The following PPM1K variants were observed in gnomAD, a reference collection of about 807,000 sequenced individuals.
The protein encoded by PPM1K is protein phosphatase, Mg2+/Mn2+ dependent 1K.
PPM1K carries 19 observed loss-of-function variants against 32.6 expected under a neutral mutation model. The ratio of observed to expected loss-of-function variants is 0.58; its 90% confidence interval spans 0.41 to 0.86. The LOEUF is 0.86. Among genes scored for constraint, PPM1K ranks in the 40% least tolerant of loss-of-function variants. The pLI is 0.00. For synonymous variants in PPM1K, 159 were observed against 165.3 expected (o/e 0.96, Z 0.29); for missense variants, 362 against 461.2 (o/e 0.78, Z 1.97).
chr4:88,260,015 T>C lies in PPM1K; in HGVS notation c.*2580A>G, dbSNP rs1231253071. On this transcript the variant is annotated 3_prime_UTR_variant, in exon 7 of 7. Coordinates refer to ENST00000608933, the MANE Select transcript of PPM1K (RefSeq NM_152542.5). ...TTAAAGTAAAAGATAGGAATAGTAA[T>C]GTAAAGCATTCAAAACAAAAATGAA... 1.3e-5 allele frequency: 2 copies of C among 152,208 alleles called. No individual in the cohort carries two copies. Among genetic ancestry groups the C allele is most frequent in the Admixed American group, 6.5e-5 (1 of 15,274 alleles). 9.4% of individuals were successfully genotyped at this position (152,208 alleles called of 1,614,324 possible).
rs916985366 is a variant in PPM1K, at chr4:88,278,887, A to T, written c.-59-245T>A. ...GGATCAAAAATGAATCGATTTTCCTACCGCATTCACAGCATTTAAATTCTA... is the reference window on the plus strand; with the variant it reads ...GGATCAAAAATGAATCGATTTTCCTTCCGCATTCACAGCATTTAAATTCTA... On this transcript the variant is annotated intron_variant, in intron 1 of 6. Transcript: ENST00000608933. The surrounding 1 kb of genome is among the most constrained non-coding windows in gnomAD (Gnocchi z 4.2). 4 of 315,410 alleles carry T rather than the reference A, an allele frequency of 1.3e-5. No individual in the cohort carries two copies. The Admixed American group carries it at 1.9e-4, about 15-fold the overall frequency. 19.5% of individuals were successfully genotyped at this position (315,410 alleles called of 1,614,324 possible).
chr4:88,273,442 A>G (rs895723759), intron 3 of PPM1K, among the ~76,000 whole-genome samples: 11 of 152,218 alleles, frequency 7.2e-5, no homozygotes, highest in African/African-American at 2.7e-4. Flanking sequence ...GCACTTTGGG[A>G]GGCCAAGGCG....
chr4:88,271,639 A>G (rs1444985757), intron 3 of PPM1K, among the ~76,000 whole-genome samples: 1 of 152,202 alleles, frequency 6.6e-6, no homozygotes, highest in African/African-American at 2.4e-5. Context: ...AATGCACTGT[A>G]AATTTGTTTG....
intron 3 of PPM1K, among the ~76,000 whole-genome samples, chr4:88,273,988 C>T (rs1435177503): frequency 6.6e-6 from 1 of 152,206 alleles, no homozygotes; most frequent in African/African-American, 2.4e-5. Context: ...AAGCCTCCTG[C>T]ACTTCACCAT....
chr4:88,276,772 A>G (rs1221669345), intron 3 of PPM1K: 1 of 1,005,410 alleles, frequency 9.9e-7, no homozygotes. Flanking sequence ...TGGTCACCAG[A>G]TCCATCTAAA....
At chr4:88,279,011 G>A (rs1221909823) in intron 1 of PPM1K, 1 of 166,336 alleles carries the variant, frequency 6.0e-6, no homozygotes, top group African/African-American at 2.4e-5. Flanking sequence ...GTGGCTATGG[G>A]GTGGAGTCAC....
rs200220175 is a variant in PPM1K, at chr4:88,278,371, A to C, written c.213T>G (p.Ile71Met). 1 of 1,614,172 alleles carries C rather than the reference A, an allele frequency of 6.2e-7. No homozygotes were observed. The highest frequency in any genetic ancestry group is 1.1e-5 in the South Asian group (1 of 91,076). The change falls in exon 2 of 7, where the codon ATT (isoleucine) becomes ATG (methionine). Residue 71 changes from isoleucine (I) to methionine (M), a missense_variant. Transcript: ENST00000608933. This position sits in a 1 kb window ranked among gnomAD's most constrained non-coding sequence, Gnocchi z 4.2. ...TGGGTGGCAGCAGAATTGGCTCATCAATGCGGTTATCCCAGATCCCAAAAT... is the reference window on the plus strand; with the variant it reads ...TGGGTGGCAGCAGAATTGGCTCATCCATGCGGTTATCCCAGATCCCAAAAT... ...WDNFGIWDNR[I>M]DEPILLPPSI...
intron 3 of PPM1K, among the ~76,000 whole-genome samples, chr4:88,269,792 A>C (rs1226621658): frequency 1.3e-5 from 2 of 152,184 alleles, no homozygotes; most frequent in Non-Finnish European, 2.9e-5. Context: ...TAACAAATAA[A>C]ATTCATTGTT....
chr4:88,276,643 A>G lies in PPM1K; in HGVS notation c.541+500T>C, dbSNP rs1298579638. ...AGAAAAATATTTTCCTTCTAGTTAT[A>G]CAAATTAGTGCATATTAACCATTGT... is the stretch of plus-strand genomic sequence containing the variant. On this transcript the variant is annotated intron_variant, in intron 3 of 6. Transcript: ENST00000608933. The G allele has an allele frequency of 4.1e-6, 4 of 985,048 alleles. No individual in the cohort carries two copies. The East Asian group carries it at 4.5e-4, about 112-fold the overall frequency. 61.0% of individuals were successfully genotyped at this position (985,048 alleles called of 1,614,324 possible).
At chr4:88,279,539 T>C (rs1481876444) in intron 1 of PPM1K, 1 of 152,188 alleles carries the variant, frequency 6.6e-6, no homozygotes, top group East Asian at 1.9e-4. Context: ...CAGCTCTCCT[T>C]TCCCCAACCC....
chr4:88,278,648 A>G lies in PPM1K; in HGVS notation c.-59-6T>C, dbSNP rs1157258451. 8.2e-6 allele frequency: 11 copies of G among 1,346,584 alleles called. No homozygotes were observed. Among genetic ancestry groups the G allele is most frequent in the Non-Finnish European group, 1.1e-5 (11 of 979,544 alleles). The allele number at this position is 1,346,584 out of a possible 1,614,324, so 83.4% of individuals were successfully genotyped here. A position where few individuals can be genotyped will look rare whatever the true frequency, so the allele number is the denominator to read the frequency against. On this transcript the variant is annotated splice_polypyrimidine_tract_variant and splice_region_variant and intron_variant, in intron 1 of 6. Coordinates refer to ENST00000608933, the MANE Select transcript of PPM1K (RefSeq NM_152542.5). The surrounding 1 kb of genome is among the most constrained non-coding windows in gnomAD (Gnocchi z 4.2). ...ATGGAACAATAATGGAATGTCTTCA[A>G]GAAAAATGATGCAAGTCACAGGGGA... is the stretch of plus-strand genomic sequence containing the variant.
At chr4:88,280,048 G>A (rs1380597575) in intron 1 of PPM1K, among the ~76,000 whole-genome samples, 4 of 152,046 alleles carry the variant, frequency 2.6e-5, no homozygotes, top group African/African-American at 2.4e-5. Flanking sequence ...TACTTCTTTC[G>A]GTGGGTAAAA....
intron 1 of PPM1K, among the ~76,000 whole-genome samples, chr4:88,281,934 A>C (rs1732026084): frequency 6.6e-6 from 1 of 152,110 alleles, no homozygotes; most frequent in South Asian, 2.1e-4. Flanking sequence ...AGGCAAGGGG[A>C]GTAGAACTTG....
Position 88,259,971 on chromosome 4 carries a change from T to G in PPM1K, c.*2624A>C, listed in dbSNP as rs1184238336. On this transcript the variant is annotated 3_prime_UTR_variant, in exon 7 of 7. Transcript: ENST00000608933. ...CCTCATGCCTTTGAACTTGACAACA[T>G]CACTCCTCATCTTAGTTTTTAAAGT... 3 of 152,232 alleles carry G rather than the reference T, an allele frequency of 2.0e-5. No homozygotes were observed. The highest frequency in any genetic ancestry group is 2.9e-5 in the Non-Finnish European group (2 of 68,050). 9.4% of individuals were successfully genotyped at this position (152,232 alleles called of 1,614,324 possible). A position where few individuals can be genotyped will look rare whatever the true frequency, so the allele number is the denominator to read the frequency against.
intron 3 of PPM1K, among the ~76,000 whole-genome samples, chr4:88,274,523 G>C (rs544135593): frequency 6.6e-6 from 1 of 152,214 alleles, no homozygotes; most frequent in Admixed American, 6.5e-5. Flanking sequence ...GAGGGGAAAG[G>C]GGTTAATACT....
At chr4:88,282,152 T>A (rs1578325343) in intron 1 of PPM1K, among the ~76,000 whole-genome samples, 1 of 152,206 alleles carries the variant, frequency 6.6e-6, no homozygotes, top group East Asian at 1.9e-4. Flanking sequence ...AATTTTTTGA[T>A]CGGAAAACAT....
chr4:88,275,160 C>T (rs1320948277), intron 3 of PPM1K: 2 of 535,552 alleles, frequency 3.7e-6, no homozygotes, highest in Non-Finnish European at 4.8e-6. Flanking sequence ...TTAAATAATG[C>T]ATTTTAATTT....
intron 3 of PPM1K, among the ~76,000 whole-genome samples, chr4:88,273,423 G>A (rs1348256707): frequency 6.6e-6 from 1 of 152,238 alleles, no homozygotes; most frequent in Non-Finnish European, 1.5e-5. Context: ...GCTCACGCCT[G>A]TAATCCCAGC....
At position 88,278,383 on chromosome 4, in the gene PPM1K, C is replaced by T. The variant is rs1560493339; in HGVS notation, c.201G>A (p.Trp67Ter). The T allele has an allele frequency of 6.2e-7, 1 of 1,614,176 alleles. No homozygotes were observed. The highest frequency in any genetic ancestry group is 8.5e-7 in the Non-Finnish European group (1 of 1,180,046). The part of the protein sequence containing the change: ...SPATWDNFGI[W>*]DNRIDEPILL... Reference sequence around the variant, plus strand: ...GAATTGGCTCATCAATGCGGTTATCCCAGATCCCAAAATTGTCCCAGGTAG... The same window carrying T: ...GAATTGGCTCATCAATGCGGTTATCTCAGATCCCAAAATTGTCCCAGGTAG... Residue 67 changes from tryptophan to a stop codon, truncating the protein, a stop_gained, in exon 2 of 7, where the codon TGG becomes TGA. Transcript: ENST00000608933. LOFTEE classifies it high-confidence loss of function. The surrounding 1 kb of genome is among the most constrained non-coding windows in gnomAD (Gnocchi z 4.2).
Sources: allele counts gnomAD v4.1 joint callset (sites outside exome capture counted in the v4.1 genomes callset), GRCh38; gene constraint gnomAD v4.1.1; non-coding constraint Gnocchi (gnomAD v3.1); transcripts MANE v1.5; gene names NCBI Gene and HGNC (gene_info 2026-07-23, HGNC 2026-07-21).